Variants in PTPRM observed in about 807,000 individuals in gnomAD.
PTPRM encodes receptor-type tyrosine-protein phosphatase mu.
In PTPRM, 47 loss-of-function variants were observed where a neutral mutation model predicts 186.7. The observed-to-expected ratio is 0.25, with a 90% confidence interval of 0.20 to 0.32. The LOEUF is 0.32. Among genes scored for constraint, PTPRM ranks in the 10% least tolerant of loss-of-function variants. The pLI, the probability that PTPRM is intolerant of heterozygous loss-of-function variation, is 1.00. For missense variants in PTPRM, 1,494 were observed against 1,865.0 expected (o/e 0.80, Z 3.66); for synonymous variants, 668 against 674.9 (o/e 0.99, Z 0.16).
At chr18:8,248,316 C>T in intron 17 of PTPRM, 140 bp downstream of exon 17, 1 of 849,652 alleles carries the variant, frequency 1.2e-6, no homozygotes, top group Non-Finnish European at 2.0e-6. Context: ...TGGCCTGGGT[C>T]ATGGGGTTAA....
intron 1 of PTPRM, among the ~76,000 whole-genome samples, chr18:7,763,949 CT>C (rs543411722): frequency 0.031 from 4,328 of 138,988 alleles, 50 homozygotes; most frequent in East Asian, 0.099. Flanking sequence ...AAATGCAATT[CT>C]TTTTTTTTTT....
At chr18:8,015,559 CTGAT>C (rs1243577104) in intron 7 of PTPRM, among the ~76,000 whole-genome samples, 3 of 146,622 alleles carry the variant, frequency 2.0e-5, no homozygotes, top group African/African-American at 4.9e-5. Context: ...ATTGACAACT[CTGAT>C]TGACAACCTT....
chr18:8,394,391 G>T (rs145172743), intron 31 of PTPRM, 85 bp from the exon 32 acceptor site: 3 of 1,460,690 alleles, frequency 2.1e-6, no homozygotes, highest in Non-Finnish European at 2.8e-6. Flanking sequence ...GTTCCCCAGG[G>T]TTTAGACAGC....
intron 1 of PTPRM, among the ~76,000 whole-genome samples, chr18:7,718,768 TAAAAG>T (rs1420003637): frequency 1.3e-5 from 2 of 152,088 alleles, no homozygotes; most frequent in African/African-American, 4.8e-5. Context: ...AGATGATTCT[TAAAAG>T]AAGATATACA....
chr18:7,945,389 C>T (rs749986574), intron 5 of PTPRM, among the ~76,000 whole-genome samples: 6 of 151,688 alleles, frequency 4.0e-5, no homozygotes, highest in South Asian at 2.1e-4. Context: ...GGCGTGAACC[C>T]GGGAGGCAGA....
intron 1 of PTPRM, among the ~76,000 whole-genome samples, chr18:7,691,178 A>C (rs2039724800): frequency 2.0e-5 from 3 of 152,176 alleles, no homozygotes; most frequent in Admixed American, 1.3e-4. Flanking sequence ...AAATATATGT[A>C]AATCAGAGTG....
chr18:7,798,421 C>T (rs1320481921), intron 2 of PTPRM, among the ~76,000 whole-genome samples: 1 of 151,744 alleles, frequency 6.6e-6, no homozygotes, highest in East Asian at 1.9e-4. Flanking sequence ...TCCAGCTACT[C>T]AGGAGGCTGA....
At chr18:7,903,170 G>T (rs150022498) in intron 3 of PTPRM, among the ~76,000 whole-genome samples, 1,974 of 152,314 alleles carry the variant, frequency 0.013, 20 homozygotes, top group South Asian at 0.033. Flanking sequence ...CAGAGAGGTG[G>T]CACTCAGTAG....
chr18:8,278,813 A>G (rs1398547997), intron 19 of PTPRM, among the ~76,000 whole-genome samples: 1 of 152,176 alleles, frequency 6.6e-6, no homozygotes, highest in African/African-American at 2.4e-5. Context: ...TCTCCTGTTC[A>G]TTGAAATGTT....
At position 7,801,462 on chromosome 18, in the gene PTPRM, C is replaced by T. The variant is rs889327495; in HGVS notation, c.196+27191C>T. ...GCAGTAACATGCATAGAGCTGTCAT[C>T]TCCTAGGATAACAGTGCCTTCTTCT... is the stretch of plus-strand genomic sequence containing the variant. On this transcript the variant is annotated intron_variant, in intron 2 of 32. Coordinates refer to ENST00000580170, the MANE Select transcript of PTPRM (RefSeq NM_001105244.2). Among the ~76,000 whole-genome samples the T allele has an allele frequency of 1.7e-4, 26 of 152,268 alleles. 1 individual carries two copies. The East Asian group carries it at 4.8e-3, about 28-fold the overall frequency.
intron 14 of PTPRM, among the ~76,000 whole-genome samples, chr18:8,207,623 A>G (rs2093949082): frequency 6.6e-6 from 1 of 152,256 alleles, no homozygotes; most frequent in South Asian, 2.1e-4. Flanking sequence ...ACTGGATAGG[A>G]ATACTCTGAA....
intron 7 of PTPRM, among the ~76,000 whole-genome samples, chr18:8,051,979 T>C (rs1273420072): frequency 1.3e-5 from 2 of 152,128 alleles, no homozygotes; most frequent in African/African-American, 4.8e-5. Context: ...CAAATGCCAC[T>C]GTGATATGAC....
intron 20 of PTPRM, among the ~76,000 whole-genome samples, chr18:8,301,486 G>A (rs1247086575): frequency 6.6e-6 from 1 of 152,164 alleles, no homozygotes; most frequent in Admixed American, 6.5e-5. Flanking sequence ...TCTTTCTAGG[G>A]ACTGGCAATT....
rs79505015 is a variant in PTPRM at position 7,932,049 on chromosome 18, G to T, written c.663+5366G>T. ...GCTCTTTAATTCATTTCTTGTAATC[G>T]TTGTAGAGGTTCCTGCATTCCTTAC... On this transcript the variant is annotated intron_variant, in intron 5 of 32. Transcript: ENST00000580170. 5.7e-3 allele frequency among the ~76,000 whole-genome samples: 863 copies of T among 152,294 alleles called. 10 individuals are homozygous for T. Among genetic ancestry groups the T allele is most frequent in the African/African-American group, 0.02 (816 of 41,572 alleles).
chr18:8,111,890 A>G (rs4456614), intron 11 of PTPRM, among the ~76,000 whole-genome samples: 9,142 of 152,272 alleles, frequency 0.06, 304 homozygotes, highest in Middle Eastern at 0.18. Context: ...AGCGATTTCA[A>G]GAGAATGGTC....
chr18:8,076,178 C>T (rs1018392411), intron 8 of PTPRM, among the ~76,000 whole-genome samples: 7 of 152,100 alleles, frequency 4.6e-5, no homozygotes, highest in Admixed American at 3.9e-4. Context: ...AATCCTTCCT[C>T]ATTTCTTTTG....
intron 1 of PTPRM, among the ~76,000 whole-genome samples, chr18:7,631,226 T>C (rs571746232): frequency 3.2e-4 from 49 of 152,308 alleles, no homozygotes; most frequent in African/African-American, 8.7e-4. Flanking sequence ...AAGCTCAAAA[T>C]GTCCTGTCAG....
chr18:8,018,878 G>A (rs1057085791), intron 7 of PTPRM, among the ~76,000 whole-genome samples: 1 of 152,062 alleles, frequency 6.6e-6, no homozygotes, highest in Non-Finnish European at 1.5e-5. Context: ...TAGTGACTAG[G>A]GCCCTGGATT....
intron 7 of PTPRM, among the ~76,000 whole-genome samples, chr18:7,982,170 T>C (rs1223995948): frequency 1.3e-5 from 2 of 152,226 alleles, no homozygotes; most frequent in African/African-American, 2.4e-5. Context: ...TTTCATTGTT[T>C]GGCTCTTTTG....
Sources: gnomAD v4.1 joint callset for allele counts (sites outside exome capture counted in the v4.1 genomes callset) on GRCh38, gnomAD v4.1.1 for gene constraint, MANE v1.5 for transcripts, NCBI Gene and HGNC (gene_info 2026-07-23, HGNC 2026-07-21) for gene names.